The following AP1S3 variants were observed in gnomAD, a reference collection of about 807,000 sequenced individuals.
The protein encoded by AP1S3 is AP-1 complex subunit sigma-3.
In AP1S3, 10 loss-of-function variants were observed where a neutral mutation model predicts 20.9. The ratio of observed to expected loss-of-function variants is 0.48; its 90% confidence interval spans 0.29 to 0.81. AP1S3 has a LOEUF of 0.81. Ranked by LOEUF, AP1S3 falls within the 30% of genes least tolerant of loss-of-function variation. The pLI, the probability that AP1S3 is intolerant of heterozygous loss-of-function variation, is 0.08. For synonymous variants in AP1S3, 41 were observed against 61.5 expected, an observed-to-expected ratio of 0.67 and a Z score of 1.56; for missense variants, 154 against 183.8, an observed-to-expected ratio of 0.84 and a Z score of 0.94.
At chr2:223,770,727 ATTTTTTT>A (rs764596538) in intron 3 of AP1S3, among the ~76,000 whole-genome samples, 4 of 115,316 alleles carry the variant, frequency 3.5e-5, no homozygotes, top group Admixed American at 2.1e-4. Context: ...AGACCAGTTC[ATTTTTTT>A]TTTTTTTTTT....
At chr2:223,766,467 T>C (rs114230262) in intron 3 of AP1S3, among the ~76,000 whole-genome samples, 33 of 152,340 alleles carry the variant, frequency 2.2e-4, no homozygotes, top group African/African-American at 7.5e-4. Context: ...CTTTTGTCAC[T>C]AGTCATTAGA....
chr2:223,835,987 T>C (rs1692386040), intron 1 of AP1S3, among the ~76,000 whole-genome samples: 1 of 152,210 alleles, frequency 6.6e-6, no homozygotes, highest in Non-Finnish European at 1.5e-5. Flanking sequence ...ATTTACAGCA[T>C]TGTTTTTGCA....
intron 3 of AP1S3, among the ~76,000 whole-genome samples, chr2:223,765,947 G>A (rs1690467259): frequency 6.6e-6 from 1 of 152,174 alleles, no homozygotes; most frequent in Non-Finnish European, 1.5e-5. Flanking sequence ...TGATGCTGAG[G>A]CCGCCGGACT....
intron 4 of AP1S3, among the ~76,000 whole-genome samples, chr2:223,761,392 T>C (rs1690350504): frequency 6.6e-6 from 1 of 152,232 alleles, no homozygotes; most frequent in African/African-American, 2.4e-5. Flanking sequence ...CGAGGGCACA[T>C]AGAATCCTAT....
intron 1 of AP1S3, among the ~76,000 whole-genome samples, chr2:223,833,196 C>T (rs1256071017): frequency 6.6e-6 from 1 of 151,912 alleles, no homozygotes; most frequent in Admixed American, 6.6e-5. Context: ...CAAAGCATTT[C>T]AAATGTCACT....
chr2:223,815,487 C>T (rs907200089), intron 1 of AP1S3, among the ~76,000 whole-genome samples: 12 of 152,202 alleles, frequency 7.9e-5, no homozygotes, highest in Non-Finnish European at 1.6e-4. Flanking sequence ...CCCAAGTTTA[C>T]GAGCCACCTT....
At position 223,794,289 on chromosome 2, in the gene AP1S3, C is replaced by T. The variant is rs115458510; in HGVS notation, c.4-16420G>A. ...GAACACTAACGCCTATAACTAACCCCTATAACACTAACACTATTGCGCCAC... is the reference window on the plus strand; with the variant it reads ...GAACACTAACGCCTATAACTAACCCTTATAACACTAACACTATTGCGCCAC... On this transcript the variant is annotated intron_variant, in intron 1 of 4. Coordinates refer to ENST00000396654, the MANE Select transcript of AP1S3 (RefSeq NM_001039569.2). 4.9e-3 allele frequency among the ~76,000 whole-genome samples: 746 copies of T among 152,034 alleles called. 9 individuals carry two copies. Among genetic ancestry groups the T allele is most frequent in the African/African-American group, 0.017 (704 of 41,476 alleles).
At chr2:223,780,409 G>A (rs1279579753) in intron 1 of AP1S3, among the ~76,000 whole-genome samples, 3 of 111,596 alleles carry the variant, frequency 2.7e-5, no homozygotes, top group Non-Finnish European at 5.5e-5. Flanking sequence ...TTGTAGAGAC[G>A]AGGTCTCCCT....
intron 1 of AP1S3, among the ~76,000 whole-genome samples, chr2:223,780,343 AGAGAGAGAGAGAGAGTGTGTGTGTGT>A: frequency 8.7e-6 from 1 of 115,020 alleles, no homozygotes; most frequent in East Asian, 2.8e-4. Flanking sequence ...AGAGAGAGAG[AGAGAGAGAGAGAGAGTGTGTGTGTGT>A]GTGTGTGTGT....
intron 1 of AP1S3, among the ~76,000 whole-genome samples, chr2:223,822,107 T>C (rs562157253): frequency 5.9e-5 from 9 of 152,154 alleles, no homozygotes; most frequent in Non-Finnish European, 1.3e-4. Flanking sequence ...AATCAACTCC[T>C]GGCCAGGCAC....
chr2:223,837,429 GC>G lies in AP1S3; in HGVS notation c.3+18del. 8.1e-7 allele frequency: 1 copy of G among 1,231,812 alleles called. No individual in the cohort carries two copies. Among genetic ancestry groups the G allele is most frequent in the Non-Finnish European group, 1.0e-6 (1 of 981,290 alleles). The allele number at this position is 1,231,812 out of a possible 1,614,324, so 76.3% of individuals were successfully genotyped here. A position where few individuals can be genotyped will look rare whatever the true frequency, so the allele number is the denominator to read the frequency against. The stretch of plus-strand genomic sequence containing the variant: ...GCGCCCCCACCGCCTACCCGGGCCG[GC>G]GGTTCCCCCGCACTCACCATCGTGG... On this transcript the variant is annotated intron_variant, in intron 1 of 4. Coordinates refer to ENST00000396654, the MANE Select transcript of AP1S3 (RefSeq NM_001039569.2).
intron 1 of AP1S3, among the ~76,000 whole-genome samples, chr2:223,791,519 T>C (rs866311764): frequency 8.5e-5 from 13 of 152,156 alleles, no homozygotes; most frequent in South Asian, 6.2e-4. Context: ...AACTAGATAT[T>C]GAAGGAACAT....
chr2:223,774,309 G>C (rs1465611620), intron 3 of AP1S3, among the ~76,000 whole-genome samples: 1 of 152,004 alleles, frequency 6.6e-6, no homozygotes, highest in Non-Finnish European at 1.5e-5. Context: ...AGGTTGCAGT[G>C]AGCAGAGATC....
chr2:223,775,691 A>C (rs1690767316), intron 3 of AP1S3, among the ~76,000 whole-genome samples: 1 of 152,184 alleles, frequency 6.6e-6, no homozygotes, highest in Non-Finnish European at 1.5e-5. Flanking sequence ...AAAAGAAAAA[A>C]GGAAAGCTTT....
At chr2:223,772,836 G>A (rs1433477521) in intron 3 of AP1S3, among the ~76,000 whole-genome samples, 7 of 152,118 alleles carry the variant, frequency 4.6e-5, no homozygotes, top group African/African-American at 1.2e-4. Context: ...AAATCAAAGA[G>A]AAATATTTTA....
intron 2 of AP1S3, 94 bp from the exon 3 acceptor site, chr2:223,776,103 G>A (rs763968685): frequency 1.2e-4 from 100 of 848,040 alleles, no homozygotes; most frequent in Admixed American, 4.0e-4. Flanking sequence ...CTCCTCCCCC[G>A]CCGAGCCTCT....
chr2:223,759,100 C>G (rs1690292000), intron 4 of AP1S3, among the ~76,000 whole-genome samples: 1 of 151,904 alleles, frequency 6.6e-6, no homozygotes, highest in Non-Finnish European at 1.5e-5. Flanking sequence ...GCCAACATGA[C>G]AAAACCCCAT....
At chr2:223,799,022 G>C (rs1691409598) in intron 1 of AP1S3, among the ~76,000 whole-genome samples, 1 of 152,192 alleles carries the variant, frequency 6.6e-6, no homozygotes, top group African/African-American at 2.4e-5. Context: ...CATGGAGCGA[G>C]ATTGCGCCAC....
At chr2:223,774,608 CA>C (rs1413436889) in intron 3 of AP1S3, among the ~76,000 whole-genome samples, 3 of 151,606 alleles carry the variant, frequency 2.0e-5, no homozygotes, top group Admixed American at 6.6e-5. Flanking sequence ...AGCTCAGAGG[CA>C]TAAAAAGCCA....
Sources: allele counts gnomAD v4.1 joint callset (sites outside exome capture counted in the v4.1 genomes callset), GRCh38; gene constraint gnomAD v4.1.1; transcripts MANE v1.5; gene names NCBI Gene and HGNC (gene_info 2026-07-23, HGNC 2026-07-21).